TTLL9: variants seen among roughly 807,000 people sequenced by gnomAD.
TTLL9 encodes the protein probable tubulin polyglutamylase TTLL9.
TTLL9 carries 47 observed loss-of-function variants against 65.6 expected under a neutral mutation model. That is an observed-to-expected ratio of 0.72 (90% CI 0.57 to 0.91). The LOEUF is 0.91. Among genes scored for constraint, TTLL9 ranks in the 40% least tolerant of loss-of-function variants. The probability of loss-of-function intolerance (pLI) is 0.00; values close to 1 mark genes in which losing one functional copy is unlikely to be tolerated. For synonymous variants in TTLL9, 179 were observed against 204.8 expected (o/e 0.87, Z 1.07); for missense variants, 537 against 568.8 (o/e 0.94, Z 0.57).
At position 31,899,447 on chromosome 20, in the gene TTLL9, T is replaced by G. The variant is rs572275211; in HGVS notation, c.206+882T>G. 1.2e-4 allele frequency among the ~76,000 whole-genome samples: 19 copies of G among 152,112 alleles called. No homozygotes were observed. In the Middle Eastern group the frequency reaches 0.014, roughly 109 times the overall value. ...GAGTTCAAGACCAACCTGGGCAACA[T>G]GGCAAGACCCTGTCTCTACAAAAAA... On this transcript the variant is annotated intron_variant, in intron 4 of 14. Coordinates refer to ENST00000535842, the MANE Select transcript of TTLL9 (RefSeq NM_001008409.5).
intron 2 of TTLL9, among the ~76,000 whole-genome samples, chr20:31,884,577 T>G (rs778592029): frequency 2.6e-5 from 4 of 152,212 alleles, no homozygotes; most frequent in Non-Finnish European, 5.9e-5. Flanking sequence ...CTCGCTGGGC[T>G]AAAATCAAGG....
chr20:31,921,352 G>A (rs1407651162), intron 7 of TTLL9, among the ~76,000 whole-genome samples: 1 of 152,196 alleles, frequency 6.6e-6, no homozygotes, highest in Non-Finnish European at 1.5e-5. Context: ...TGGAGAAATA[G>A]GAACACTTTT....
chr20:31,886,641 G>A (rs547271442), intron 2 of TTLL9, among the ~76,000 whole-genome samples: 13 of 152,150 alleles, frequency 8.5e-5, no homozygotes, highest in Admixed American at 2.0e-4. Context: ...CCAACATGGC[G>A]AAACCCCATC....
At chr20:31,930,465 C>G (rs952004354) in intron 10 of TTLL9, among the ~76,000 whole-genome samples, 20 of 152,296 alleles carry the variant, frequency 1.3e-4, no homozygotes, top group African/African-American at 4.1e-4. Context: ...GAGCTTTTTC[C>G]CAGATGGGGT....
chr20:31,892,980 T>A (rs59701454), intron 3 of TTLL9, among the ~76,000 whole-genome samples: 17,382 of 151,952 alleles, frequency 0.11, 1,137 homozygotes, highest in Middle Eastern at 0.23. Context: ...ATTTTTTTTT[T>A]AATTAAGACA....
At chr20:31,888,620 C>T (rs187976164) in intron 3 of TTLL9, among the ~76,000 whole-genome samples, 40 of 151,654 alleles carry the variant, frequency 2.6e-4, no homozygotes, top group Admixed American at 1.6e-3. Flanking sequence ...TACAGGTGCC[C>T]GCCACCACGC....
Position 31,882,627 on chromosome 20 carries a change from T to TA in TTLL9, c.70-4560dup, listed in dbSNP as rs1003738189. Among the ~76,000 whole-genome samples the TA allele has an allele frequency of 1.8e-4, 28 of 151,874 alleles. No homozygotes were observed. The South Asian group carries it at 4.2e-3, about 23-fold the overall frequency. On this transcript the variant is annotated intron_variant, in intron 2 of 14. Transcript: ENST00000535842. ...TCATTTTCTCAATAAGATAATTTTT[T>TA]AAAAAAAAACTCTTGTAGCCTTGTC...
Position 31,882,862 on chromosome 20 carries a change from G to T in TTLL9, c.70-4334G>T, listed in dbSNP as rs185087694. ...ATAGCTGACCTGTTTATGTGGAGGG[G>T]TAAGGATTGGTAGAAGAAAAATCCC... On this transcript the variant is annotated intron_variant, in intron 2 of 14. Transcript: ENST00000535842. 3.1e-4 allele frequency among the ~76,000 whole-genome samples: 47 copies of T among 152,290 alleles called. 1 individual carries two copies. The highest frequency in any genetic ancestry group is 1.1e-3 in the African/African-American group (45 of 41,562).
At chr20:31,887,917 T>C (rs945344654) in intron 3 of TTLL9, among the ~76,000 whole-genome samples, 7 of 152,040 alleles carry the variant, frequency 4.6e-5, no homozygotes, top group Non-Finnish European at 8.8e-5. Flanking sequence ...TGAGTTTCAC[T>C]CTTGTTACCC....
chr20:31,890,142 C>T (rs201024400), intron 3 of TTLL9, among the ~76,000 whole-genome samples: 48 of 25,112 alleles, frequency 1.9e-3, no homozygotes, highest in African/African-American at 8.5e-3. Context: ...TCCTTCCTTC[C>T]TTCCTTCCTT....
chr20:31,928,730 TAGAA>T (rs1254161480), intron 10 of TTLL9, among the ~76,000 whole-genome samples: 1 of 152,126 alleles, frequency 6.6e-6, no homozygotes, highest in African/African-American at 2.4e-5. Flanking sequence ...TATCATGACA[TAGAA>T]AGATATCTAA....
intron 6 of TTLL9, among the ~76,000 whole-genome samples, chr20:31,913,569 T>C (rs1600581863): frequency 6.6e-6 from 1 of 152,220 alleles, no homozygotes; most frequent in East Asian, 1.9e-4. Flanking sequence ...CTCGGGCATC[T>C]CCTCTGCATT....
intron 4 of TTLL9, among the ~76,000 whole-genome samples, chr20:31,904,975 G>A (rs375588944): frequency 1.8e-4 from 27 of 152,266 alleles, no homozygotes; most frequent in African/African-American, 6.5e-4. Context: ...CAAACATCAG[G>A]GTGGAGAAAA....
intron 2 of TTLL9, among the ~76,000 whole-genome samples, chr20:31,886,539 G>C (rs2063190440): frequency 6.6e-6 from 1 of 152,218 alleles, no homozygotes; most frequent in Admixed American, 6.5e-5. Flanking sequence ...GTCCAGATCA[G>C]CTGGGTACGG....
chr20:31,870,671 T>C lies in TTLL9; in HGVS notation c.-284T>C. On this transcript the variant is annotated 5_prime_UTR_variant, in exon 1 of 15. Transcript: ENST00000535842. This position sits in a 1 kb window ranked among gnomAD's most constrained non-coding sequence, Gnocchi z 6.6. ...CCACGGCCCGCGGGACAACGGCAGT[T>C]TGTTGGGGCCGCGTGGGGCCGCCAC... is the stretch of plus-strand genomic sequence containing the variant. The C allele has an allele frequency of 3.4e-6, 4 of 1,173,090 alleles. No homozygotes were observed. Among genetic ancestry groups the C allele is most frequent in the Non-Finnish European group, 4.4e-6 (4 of 914,766 alleles). The allele number at this position is 1,173,090 out of a possible 1,614,324, so 72.7% of individuals were successfully genotyped here. A position where few individuals can be genotyped will look rare whatever the true frequency, so the allele number is the denominator to read the frequency against.
chr20:31,909,842 AC>A lies in TTLL9; in HGVS notation c.426del (p.Phe143LeufsTer11). 2 of 1,613,272 alleles carry A rather than the reference AC, an allele frequency of 1.2e-6. No homozygotes were observed. The highest frequency in any genetic ancestry group is 1.7e-6 in the Non-Finnish European group (2 of 1,179,754). Reference protein sequence around the residue: ...EAAKCDFFPKTFEMPCEYHLF... With the variant: ...EAAKCDFFPKXFEMPCEYHLF... ...AGCCAAGTGTGACTTCTTCCCCAAA[AC>A]CTTTGAGATGCCTTGCGAGTACCAC... On this transcript the variant is annotated frameshift_variant, in exon 6 of 15. Coordinates refer to ENST00000535842, the MANE Select transcript of TTLL9 (RefSeq NM_001008409.5). LOFTEE classifies it high-confidence loss of function.
chr20:31,935,988 C>T (rs1356966064), intron 12 of TTLL9, among the ~76,000 whole-genome samples: 2 of 152,212 alleles, frequency 1.3e-5, no homozygotes, highest in Non-Finnish European at 2.9e-5. Context: ...CGTCACCTCT[C>T]TGAGCCTGTT....
At chr20:31,879,759 A>G (rs551260908) in intron 2 of TTLL9, 126 of 1,503,336 alleles carry the variant, frequency 8.4e-5, no homozygotes, top group African/African-American at 4.6e-4. Flanking sequence ...CGCCGAGAGC[A>G]TGCCCTTGGC....
chr20:31,896,583 G>T (rs2063392339), intron 3 of TTLL9, among the ~76,000 whole-genome samples: 1 of 151,980 alleles, frequency 6.6e-6, no homozygotes, highest in South Asian at 2.1e-4. Flanking sequence ...ACACTGGAGT[G>T]CAGTGGTGCT....
Sources: allele counts gnomAD v4.1 joint callset (sites outside exome capture counted in the v4.1 genomes callset), GRCh38; gene constraint gnomAD v4.1.1; non-coding constraint Gnocchi (gnomAD v3.1); transcripts MANE v1.5; gene names NCBI Gene and HGNC (gene_info 2026-07-23, HGNC 2026-07-21).